Variants in NKAIN2 observed in about 807,000 individuals in gnomAD.
The protein encoded by NKAIN2 is sodium/potassium transporting ATPase interacting 2, also known as sodium/potassium-transporting ATPase subunit beta-1-interacting protein 2.
Under a neutral mutation model 32.6 loss-of-function variants are expected in NKAIN2, and 14 were observed. That is an observed-to-expected ratio of 0.43 (90% CI 0.28 to 0.67). The LOEUF (loss-of-function observed/expected upper bound fraction) is 0.67, where lower values mean the gene tolerates loss of function less well. Among genes scored for constraint, NKAIN2 ranks in the 30% least tolerant of loss-of-function variants. The pLI is 0.17. For missense variants in NKAIN2, 198 were observed against 258.3 expected, an observed-to-expected ratio of 0.77 and a Z score of 1.60; for synonymous variants, 80 against 87.2, an observed-to-expected ratio of 0.92 and a Z score of 0.46.
At chr6:124,381,542 ACTATAAC>A (rs1308723597) in intron 3 of NKAIN2, among the ~76,000 whole-genome samples, 1 of 152,108 alleles carries the variant, frequency 6.6e-6, no homozygotes, top group Non-Finnish European at 1.5e-5. Context: ...ACAGCCCTTA[ACTATAAC>A]CTAACTAATG....
At chr6:124,359,868 C>T (rs1464971992) in intron 3 of NKAIN2, among the ~76,000 whole-genome samples, 4 of 152,142 alleles carry the variant, frequency 2.6e-5, no homozygotes, top group African/African-American at 9.7e-5. Context: ...AAAGGGAATG[C>T]TTCCAGTTTT....
In NKAIN2 at chr6:124,338,487, CCTT is replaced by C. The variant is rs527751459; in HGVS notation, c.193-16776_193-16774del. The stretch of plus-strand genomic sequence containing the variant: ...GATGATGATTATCACTTGCTTTTCT[CCTT>C]CTTTGCTTTCAAAGTTTGTTGCAAT... On this transcript the variant is annotated intron_variant, in intron 2 of 6. Transcript: ENST00000368417. Among the ~76,000 whole-genome samples, 8 of 152,196 alleles carry C rather than the reference CCTT, an allele frequency of 5.3e-5. No individual in the cohort carries two copies. In the South Asian group the frequency reaches 1.2e-3, roughly 24 times the overall value.
At chr6:124,410,117 A>G (rs1268610452) in intron 3 of NKAIN2, among the ~76,000 whole-genome samples, 2 of 151,658 alleles carry the variant, frequency 1.3e-5, no homozygotes, top group African/African-American at 2.4e-5. Flanking sequence ...GTGGTCTATC[A>G]ATTTTGTTGA....
At chr6:124,386,841 G>T (rs1440433566) in intron 3 of NKAIN2, among the ~76,000 whole-genome samples, 1 of 151,998 alleles carries the variant, frequency 6.6e-6, no homozygotes, top group African/African-American at 2.4e-5. Context: ...GTAAACTATT[G>T]ATTTCTTTGG....
intron 1 of NKAIN2, among the ~76,000 whole-genome samples, chr6:123,848,113 TGACAC>T (rs1264485844): frequency 6.6e-6 from 1 of 152,198 alleles, no homozygotes; most frequent in Non-Finnish European, 1.5e-5. Context: ...TCAAAGAGTA[TGACAC>T]TATAGTGACT....
chr6:124,271,041 C>G, intron 1 of NKAIN2, among the ~76,000 whole-genome samples: 1 of 152,110 alleles, frequency 6.6e-6, no homozygotes, highest in Admixed American at 6.5e-5. Flanking sequence ...CCATGTTGTT[C>G]TCATGATAGT....
intron 3 of NKAIN2, among the ~76,000 whole-genome samples, chr6:124,416,725 G>A (rs1346908773): frequency 1.3e-5 from 2 of 152,106 alleles, no homozygotes; most frequent in Non-Finnish European, 2.9e-5. Context: ...CAGTGAAGAG[G>A]CAACACCCCT....
At chr6:124,301,635 A>G (rs1796295886) in intron 2 of NKAIN2, among the ~76,000 whole-genome samples, 1 of 152,180 alleles carries the variant, frequency 6.6e-6, no homozygotes, top group Non-Finnish European at 1.5e-5. Flanking sequence ...GAACCCACCT[A>G]TTGTATCAGT....
intron 4 of NKAIN2, among the ~76,000 whole-genome samples, chr6:124,741,223 G>A (rs893148494): frequency 6.6e-6 from 1 of 151,474 alleles, no homozygotes; most frequent in African/African-American, 2.4e-5. Flanking sequence ...AAGCAGAAAT[G>A]CCAATTAGGC....
intron 3 of NKAIN2, among the ~76,000 whole-genome samples, chr6:124,357,512 T>C (rs1389864372): frequency 2.6e-5 from 4 of 152,120 alleles, no homozygotes; most frequent in Non-Finnish European, 5.9e-5. Context: ...ACCATTGTTT[T>C]TCTCAATCCA....
At chr6:123,936,329 C>T (rs1377714101) in intron 1 of NKAIN2, among the ~76,000 whole-genome samples, 2 of 152,096 alleles carry the variant, frequency 1.3e-5, no homozygotes. Context: ...AATGACTATT[C>T]TGCATAAACT....
chr6:123,850,371 T>TACAC (rs35458452), intron 1 of NKAIN2, among the ~76,000 whole-genome samples: 7 of 140,242 alleles, frequency 5.0e-5, no homozygotes, highest in Admixed American at 2.8e-4. Context: ...TATATATATA[T>TACAC]ACACACACAC....
Position 124,187,998 on chromosome 6 carries a change from A to G in NKAIN2, c.55-95007A>G, listed in dbSNP as rs546489339. ...GCCTGTCCATTGTGTCATGGAAGCAATAGATGGTCATTGCTTTCCTTATCT... is the reference window on the plus strand; with the variant it reads ...GCCTGTCCATTGTGTCATGGAAGCAGTAGATGGTCATTGCTTTCCTTATCT... On this transcript the variant is annotated intron_variant, in intron 1 of 6. Transcript: ENST00000368417. Among the ~76,000 whole-genome samples the G allele has an allele frequency of 2.6e-5, 4 of 152,298 alleles. No individual in the cohort carries two copies. In the South Asian group the frequency reaches 8.3e-4, roughly 32 times the overall value.
In NKAIN2 at chr6:124,255,635, C is replaced by T. The variant is rs187378576; in HGVS notation, c.55-27370C>T. 3.3e-5 allele frequency among the ~76,000 whole-genome samples: 5 copies of T among 152,258 alleles called. No homozygotes were observed. The East Asian group carries it at 9.7e-4, about 29-fold the overall frequency. On this transcript the variant is annotated intron_variant, in intron 1 of 6. Coordinates refer to ENST00000368417, the MANE Select transcript of NKAIN2 (RefSeq NM_001040214.3). ...ACGGAAAATAAGAGAAAGGGAGGCT[C>T]ACCTATGAATACTAAATTAGGGAAA...
chr6:124,459,564 T>G (rs1266850006), intron 3 of NKAIN2, among the ~76,000 whole-genome samples: 1 of 151,888 alleles, frequency 6.6e-6, no homozygotes, highest in Non-Finnish European at 1.5e-5. Context: ...ATCTGTATTC[T>G]GAATAATTTT....
intron 3 of NKAIN2, among the ~76,000 whole-genome samples, chr6:124,374,178 T>A (rs1799885703): frequency 6.6e-6 from 1 of 152,024 alleles, no homozygotes; most frequent in African/African-American, 2.4e-5. Context: ...AGAGCTGATG[T>A]ATGTAGATGC....
intron 1 of NKAIN2, among the ~76,000 whole-genome samples, chr6:123,897,312 C>A (rs1402595515): frequency 6.6e-6 from 1 of 152,100 alleles, no homozygotes; most frequent in Non-Finnish European, 1.5e-5. Context: ...GGTGATATAG[C>A]AATTTTGACA....
chr6:124,109,711 T>C (rs13202550), intron 1 of NKAIN2, among the ~76,000 whole-genome samples: 3 of 152,076 alleles, frequency 2.0e-5, no homozygotes, highest in Non-Finnish European at 4.4e-5. Context: ...CTTTCTGTTC[T>C]TGTTAAGTCT....
intron 1 of NKAIN2, among the ~76,000 whole-genome samples, chr6:123,973,741 GTTTCACCATGTATA>G (rs997132223): frequency 2.5e-4 from 38 of 152,222 alleles, no homozygotes; most frequent in African/African-American, 8.9e-4. Context: ...TCGTGTAGTT[GTTTCACCATGTATA>G]TGAATCCAGT....
Sources: gnomAD v4.1 joint callset for allele counts (sites outside exome capture counted in the v4.1 genomes callset) on GRCh38, gnomAD v4.1.1 for gene constraint, MANE v1.5 for transcripts, NCBI Gene and HGNC (gene_info 2026-07-23, HGNC 2026-07-21) for gene names.